The following RNF182 variants were observed in gnomAD, a reference collection of about 807,000 sequenced individuals.
RNF182 encodes the protein E3 ubiquitin-protein ligase RNF182.
RNF182 carries 15 observed loss-of-function variants against 14.4 expected under a neutral mutation model. That is an observed-to-expected ratio of 1.04 (90% CI 0.70 to 1.60). The LOEUF (loss-of-function observed/expected upper bound fraction) is 1.60, where lower values mean the gene tolerates loss of function less well. Ranked by LOEUF, RNF182 falls within the 40% of genes most tolerant of loss-of-function variation. The pLI, the probability that RNF182 is intolerant of heterozygous loss-of-function variation, is 0.00. For synonymous variants in RNF182, 128 were observed against 122.9 expected (o/e 1.04, Z -0.27); for missense variants, 268 against 294.8 (o/e 0.91, Z 0.67).
chr6:13,936,594 T>C (rs1162265260), intron 1 of RNF182, among the ~76,000 whole-genome samples: 1 of 152,198 alleles, frequency 6.6e-6, no homozygotes, highest in East Asian at 1.9e-4. Flanking sequence ...CACTAATGAC[T>C]CAAAGATGAA....
intron 1 of RNF182, among the ~76,000 whole-genome samples, chr6:13,964,226 T>C (rs1164551999): frequency 6.6e-6 from 1 of 152,158 alleles, no homozygotes; most frequent in Non-Finnish European, 1.5e-5. Context: ...GTGTCCAGTT[T>C]ATGGATTCTT....
At chr6:13,970,848 C>G (rs1355064135) in intron 1 of RNF182, among the ~76,000 whole-genome samples, 2 of 152,158 alleles carry the variant, frequency 1.3e-5, no homozygotes, top group Non-Finnish European at 2.9e-5. Flanking sequence ...GAAAAATATA[C>G]ATTTTGAATG....
At chr6:13,966,193 G>C (rs1400472222) in intron 1 of RNF182, among the ~76,000 whole-genome samples, 1 of 152,066 alleles carries the variant, frequency 6.6e-6, no homozygotes, top group African/African-American at 2.4e-5. Flanking sequence ...TACTACATAA[G>C]AATTTAGAAA....
intron 1 of RNF182, among the ~76,000 whole-genome samples, chr6:13,933,611 A>G (rs763757858): frequency 7.9e-5 from 12 of 152,226 alleles, no homozygotes; most frequent in Non-Finnish European, 1.5e-4. Context: ...ACATGTAATC[A>G]ATATAAAAAT....
At chr6:13,935,628 G>T (rs1173593236) in intron 1 of RNF182, among the ~76,000 whole-genome samples, 1 of 152,152 alleles carries the variant, frequency 6.6e-6, no homozygotes, top group Non-Finnish European at 1.5e-5. Flanking sequence ...CAAAAAGATA[G>T]CACATTAGTT....
rs944089441 is a variant in RNF182, at chr6:13,977,929, A to C, written c.*66A>C. ...TTGAGTGTGAAGTTAGATAATTTAT[A>C]ATTTATTTTCTTTTATGTTCTTTAT... On this transcript the variant is annotated 3_prime_UTR_variant, in exon 3 of 3. Coordinates refer to ENST00000488300, the MANE Select transcript of RNF182 (RefSeq NM_152737.4). The C allele has an allele frequency of 8.3e-6, 12 of 1,451,728 alleles. No individual in the cohort carries two copies. In the Admixed American group the frequency reaches 2.7e-4, roughly 33 times the overall value. The allele number at this position is 1,451,728 out of a possible 1,614,324, so 89.9% of individuals were successfully genotyped here.
intron 1 of RNF182, among the ~76,000 whole-genome samples, chr6:13,931,372 G>A (rs1389700659): frequency 6.6e-6 from 1 of 152,134 alleles, no homozygotes; most frequent in African/African-American, 2.4e-5. Flanking sequence ...TTCCCTCAGG[G>A]TCAGAGCAAC....
At chr6:13,958,384 C>CAAAAT (rs1325635367) in intron 1 of RNF182, among the ~76,000 whole-genome samples, 1 of 151,890 alleles carries the variant, frequency 6.6e-6, no homozygotes, top group African/African-American at 2.4e-5. Flanking sequence ...GACTCCATCT[C>CAAAAT]AAAATAATAA....
chr6:13,935,918 A>G (rs1759098064), intron 1 of RNF182, among the ~76,000 whole-genome samples: 1 of 152,254 alleles, frequency 6.6e-6, no homozygotes, highest in South Asian at 2.1e-4. Context: ...TTATGAAGAA[A>G]AGAGATTTAA....
At chr6:13,933,103 G>C (rs1365142016) in intron 1 of RNF182, among the ~76,000 whole-genome samples, 4 of 152,184 alleles carry the variant, frequency 2.6e-5, no homozygotes, top group Non-Finnish European at 4.4e-5. Context: ...CTATGACACA[G>C]ATGGACAGGC....
chr6:13,961,061 G>T (rs1759870906), intron 1 of RNF182, among the ~76,000 whole-genome samples: 1 of 152,140 alleles, frequency 6.6e-6, no homozygotes, highest in African/African-American at 2.4e-5. Context: ...TATATTATTT[G>T]TTGGCGTTCC....
At chr6:13,952,251 A>G (rs6917710) in intron 1 of RNF182, among the ~76,000 whole-genome samples, 31,249 of 152,084 alleles carry the variant, frequency 0.21, 3,716 homozygotes, top group East Asian at 0.5. Context: ...AGTTGTGAAG[A>G]GATCTTCTCC....
rs370201353 is a variant in RNF182 at position 13,930,481 on chromosome 6, C to T, written c.-367+5458C>T. On this transcript the variant is annotated intron_variant, in intron 1 of 2. Coordinates refer to ENST00000488300, the MANE Select transcript of RNF182 (RefSeq NM_152737.4). ...CTGGGCTCACCTGCTCTTTCCTAGG[C>T]TACCTCTTACATGTGCTAAGGACTA... Among the ~76,000 whole-genome samples the T allele has an allele frequency of 3.3e-5, 5 of 152,314 alleles. No homozygotes were observed. The East Asian group carries it at 5.8e-4, about 18-fold the overall frequency.
chr6:13,971,393 T>C (rs1339335080), intron 1 of RNF182, among the ~76,000 whole-genome samples: 3 of 152,194 alleles, frequency 2.0e-5, no homozygotes, highest in Non-Finnish European at 4.4e-5. Context: ...TCCCCAGCCA[T>C]GTGAAATTGT....
At chr6:13,942,142 G>GT in intron 1 of RNF182, among the ~76,000 whole-genome samples, 1 of 152,026 alleles carries the variant, frequency 6.6e-6, no homozygotes, top group Non-Finnish European at 1.5e-5. Flanking sequence ...GTTTTCCATT[G>GT]TTTTTGTTGA....
chr6:13,963,771 C>G (rs1759941047), intron 1 of RNF182, among the ~76,000 whole-genome samples: 1 of 152,020 alleles, frequency 6.6e-6, no homozygotes, highest in African/African-American at 2.4e-5. Flanking sequence ...AGTCACAAGG[C>G]CAAGATTTAA....
At chr6:13,956,778 T>A (rs1759744951) in intron 1 of RNF182, among the ~76,000 whole-genome samples, 1 of 152,164 alleles carries the variant, frequency 6.6e-6, no homozygotes, top group South Asian at 2.1e-4. Flanking sequence ...GCTCTTTTTC[T>A]CTCAACCACA....
intron 1 of RNF182, among the ~76,000 whole-genome samples, chr6:13,950,622 G>A (rs888195097): frequency 6.1e-5 from 9 of 147,808 alleles, no homozygotes; most frequent in South Asian, 2.2e-4. Context: ...TCAACCTCCC[G>A]AGTACCTGGG....
chr6:13,963,253 T>C (rs989559431), intron 1 of RNF182, among the ~76,000 whole-genome samples: 3 of 152,214 alleles, frequency 2.0e-5, no homozygotes, highest in Non-Finnish European at 4.4e-5. Flanking sequence ...ATGTATGGAT[T>C]GGACAGCTTC....
Sources: allele counts gnomAD v4.1 joint callset (sites outside exome capture counted in the v4.1 genomes callset), GRCh38; gene constraint gnomAD v4.1.1; transcripts MANE v1.5; gene names NCBI Gene and HGNC (gene_info 2026-07-23, HGNC 2026-07-21).